ATP1A3: variants seen among roughly 807,000 people sequenced by gnomAD.
ATP1A3 encodes ATPase Na+/K+ transporting subunit alpha 3.
Under a neutral mutation model 108.8 loss-of-function variants are expected in ATP1A3, and 12 were observed. That is an observed-to-expected ratio of 0.11 (90% CI 0.07 to 0.18). ATP1A3 has a LOEUF of 0.18. Among genes scored for constraint, ATP1A3 ranks in the 10% least tolerant of loss-of-function variants. The pLI is 1.00. For missense variants in ATP1A3, 498 were observed against 1,387.7 expected (o/e 0.36, Z 10.19); for synonymous variants, 539 against 564.5 (o/e 0.95, Z 0.64).
Position 41,977,483 on chromosome 19 carries a change from C to A in ATP1A3, c.1943+453G>T, listed in dbSNP as rs1008336391. ...GGTGGACCACCTGAGGTCAGGAGTT[C>A]GAGACCAGCCTGGCCAACATAGTGA... is the stretch of plus-strand genomic sequence containing the variant. On this transcript the variant is annotated intron_variant, in intron 14 of 22. Transcript: ENST00000648268. Among the ~76,000 whole-genome samples, 7 of 148,354 alleles carry A rather than the reference C, an allele frequency of 4.7e-5. 1 individual carries two copies. Among genetic ancestry groups the A allele is most frequent in the Non-Finnish European group, 1.0e-4 (7 of 67,532 alleles).
rs2075068792 is a variant in ATP1A3, at chr19:41,968,561, A to G, written c.2819+224T>C. On this transcript the variant is annotated intron_variant, in intron 20 of 22. Coordinates refer to ENST00000648268, the MANE Select transcript of ATP1A3 (RefSeq NM_152296.5). This position sits in a 1 kb window ranked among gnomAD's most constrained non-coding sequence, Gnocchi z 5.0. ...TATGATGGTGCACACCTGTAGTCTC[A>G]GCTACTCAGGAGGCTGAGGTGGGTG... Among the ~76,000 whole-genome samples the G allele has an allele frequency of 6.6e-6, 1 of 152,168 alleles. No homozygotes were observed. Among genetic ancestry groups the G allele is most frequent in the Non-Finnish European group, 1.5e-5 (1 of 68,032 alleles).
intron 1 of ATP1A3, chr19:41,993,201 G>C: frequency 1.1e-5 from 2 of 179,916 alleles, no homozygotes; most frequent in South Asian, 5.8e-5. Flanking sequence ...CCCCGCCCCA[G>C]ACACACAGGG....
chr19:41,967,600 C>T lies in ATP1A3; in HGVS notation c.2921+62G>A. 1 of 1,563,100 alleles carries T rather than the reference C, an allele frequency of 6.4e-7. No individual in the cohort carries two copies. ...GTGGGGCCTGAGGTTCAGGCTGAGT[C>T]TAAGGGAAGGCTCCATGGCAGGCGC... is the stretch of plus-strand genomic sequence containing the variant. On this transcript the variant is annotated intron_variant, in intron 21 of 22. Coordinates refer to ENST00000648268, the MANE Select transcript of ATP1A3 (RefSeq NM_152296.5). The surrounding 1 kb of genome is among the most constrained non-coding windows in gnomAD (Gnocchi z 4.2).
At position 41,969,495 on chromosome 19, in the gene ATP1A3, G is replaced by A. The variant is rs782402098; in HGVS notation, c.2628C>T (p.Ile876=). Residue 876 remains isoleucine (I), a synonymous_variant, in exon 19 of 23, where the codon ATC becomes ATT. Coordinates refer to ENST00000648268, the MANE Select transcript of ATP1A3 (RefSeq NM_152296.5). ...NGFLPGNLVG[I]RLNWDDRTVN... is the part of the protein sequence containing the mutation. ...CGGTGCGGTCATCCCAGTTCAGCCGGATGCCCACCAGGTTGCCGGGCAAGA... is the reference window on the plus strand; with the variant it reads ...CGGTGCGGTCATCCCAGTTCAGCCGAATGCCCACCAGGTTGCCGGGCAAGA... 1.3e-5 allele frequency: 21 copies of A among 1,614,050 alleles called. No individual in the cohort carries two copies. The South Asian group carries it at 1.3e-4, about 10-fold the overall frequency.
intron 4 of ATP1A3, among the ~76,000 whole-genome samples, chr19:41,987,654 C>T (rs1555865865): frequency 6.6e-6 from 1 of 152,160 alleles, no homozygotes; most frequent in East Asian, 1.9e-4. Flanking sequence ...AAGCCATGAC[C>T]ACCTGCTGGT....
Position 41,985,047 on chromosome 19 carries a change from C to T in ATP1A3, c.864G>A (p.Val288=), listed in dbSNP as rs1555864837. 2 of 1,613,984 alleles carry T rather than the reference C, an allele frequency of 1.2e-6. No homozygotes were observed. The highest frequency in any genetic ancestry group is 1.7e-6 in the Non-Finnish European group (2 of 1,179,924). The change falls in exon 8 of 23, where the codon GTG becomes GTA. Residue 288 remains valine, a synonymous_variant. Coordinates refer to ENST00000648268, the MANE Select transcript of ATP1A3 (RefSeq NM_152296.5). The surrounding 1 kb of genome is among the most constrained non-coding windows in gnomAD (Gnocchi z 8.2). ...AGAAGGAGACACCCAGGAAGACAGC[C>T]ACGCCGGTGATGAGCTGGATGAAGT... The part of the protein sequence containing the change: ...IEHFIQLITG[V]AVFLGVSFFI...
rs2075171784 is a variant in ATP1A3 at position 41,976,451 on chromosome 19, G to A, written c.2059C>T (p.Gln687Ter). Residue 687 changes from glutamine (Q) to a stop codon, truncating the protein, a stop_gained, in exon 15 of 23, where the codon CAG becomes TAG. Transcript: ENST00000648268. LOFTEE classifies it high-confidence loss of function. ...EIVFARTSPQQKLIIVEGCQR... is the reference protein window; with the variant it reads ...EIVFARTSPQ ...CAGCCCTCCACAATGATGAGCTTCT[G>A]CTGGGGGGATGTGCGGGCGAAGACG... 1 of 1,614,110 alleles carries A rather than the reference G, an allele frequency of 6.2e-7. No homozygotes were observed. The highest frequency in any genetic ancestry group is 1.3e-5 in the African/African-American group (1 of 74,946).
chr19:41,993,994 C>T (rs759399066), intron 1 of ATP1A3, 77 bp downstream of exon 1: 911 of 1,591,128 alleles, frequency 5.7e-4, no homozygotes, highest in Non-Finnish European at 7.2e-4. Flanking sequence ...CCCGGTGCCC[C>T]CGCCCCCCGC....
intron 14 of ATP1A3, among the ~76,000 whole-genome samples, 191 bp from the exon 15 acceptor site, chr19:41,976,757 C>T (rs545633050): frequency 1.3e-5 from 2 of 151,952 alleles, no homozygotes; most frequent in African/African-American, 4.8e-5. Context: ...GCGGGCAGAC[C>T]TGAGGAAGGA....
chr19:41,993,687 A>G, intron 1 of ATP1A3: 1 of 610,106 alleles, frequency 1.6e-6, no homozygotes, highest in East Asian at 2.8e-5. Flanking sequence ...ACGAGCTCTC[A>G]CAGACACACC....
rs1286406699 is a variant in ATP1A3, at chr19:41,978,924, C to G, written c.1438-126G>C. 3.8e-6 allele frequency: 3 copies of G among 798,934 alleles called. No individual in the cohort carries two copies. Among genetic ancestry groups the G allele is most frequent in the African/African-American group, 1.7e-5 (1 of 58,352 alleles). 49.5% of individuals were successfully genotyped at this position (798,934 alleles called of 1,614,324 possible). A position where few individuals can be genotyped will look rare whatever the true frequency, so the allele number is the denominator to read the frequency against. On this transcript the variant is annotated intron_variant, in intron 11 of 22. Coordinates refer to ENST00000648268, the MANE Select transcript of ATP1A3 (RefSeq NM_152296.5). This position sits in a 1 kb window ranked among gnomAD's most constrained non-coding sequence, Gnocchi z 8.3. The stretch of plus-strand genomic sequence containing the variant: ...GCCCACACCAGGGCTCCCCCACACT[C>G]TCTCACAGAGACCTCTGCTCATTCC...
Position 41,967,427 on chromosome 19 carries a change from G to GTCTC in ATP1A3, c.2922-91_2922-88dup, listed in dbSNP as rs1471969749. 1 of 1,451,166 alleles carries GTCTC rather than the reference G, an allele frequency of 6.9e-7. No homozygotes were observed. The highest frequency in any genetic ancestry group is 1.4e-5 in the African/African-American group (1 of 71,432). The allele number at this position is 1,451,166 out of a possible 1,614,324, so 89.9% of individuals were successfully genotyped here. A position where few individuals can be genotyped will look rare whatever the true frequency, so the allele number is the denominator to read the frequency against. On this transcript the variant is annotated intron_variant, in intron 21 of 22. Transcript: ENST00000648268. The surrounding 1 kb of genome is among the most constrained non-coding windows in gnomAD (Gnocchi z 4.2). ...GGACTGGAGGGGACGCAGAGGGGCA[G>GTCTC]TCTCCCAGGATCCTTCGTGCTCACA...
chr19:41,981,474 G>C lies in ATP1A3; in HGVS notation c.1437+28C>G, dbSNP rs1464579190. 1.9e-6 allele frequency: 3 copies of C among 1,614,008 alleles called. No individual in the cohort carries two copies. Among genetic ancestry groups the C allele is most frequent in the Non-Finnish European group, 2.5e-6 (3 of 1,180,028 alleles). ...GCGTCATAAGGAACCTGAGGTCCAG[G>C]CTGGCTCTCCCGGAAAGCCCAGAGT... On this transcript the variant is annotated intron_variant, in intron 11 of 22. Coordinates refer to ENST00000648268, the MANE Select transcript of ATP1A3 (RefSeq NM_152296.5). The surrounding 1 kb of genome is among the most constrained non-coding windows in gnomAD (Gnocchi z 5.0).
Position 41,969,593 on chromosome 19 carries a change from G to C in ATP1A3, c.2543-13C>G, listed in dbSNP as rs781836448. On this transcript the variant is annotated splice_polypyrimidine_tract_variant and intron_variant, in intron 18 of 22. Transcript: ENST00000648268. ...GCCTGGATCATTCCTGGAAGGAGGA[G>C]AGAGGAAGCCGAGGAGAGGCTCAGA... is the stretch of plus-strand genomic sequence containing the variant. The C allele has an allele frequency of 1.2e-6, 2 of 1,613,420 alleles. No homozygotes were observed. The highest frequency in any genetic ancestry group is 2.2e-5 in the East Asian group (1 of 44,862).
At chr19:41,975,934 A>T in intron 15 of ATP1A3, 137 bp from the exon 16 acceptor site, 1 of 1,219,132 alleles carries the variant, frequency 8.2e-7, no homozygotes, top group Non-Finnish European at 1.2e-6. Context: ...TCTTCCCCTC[A>T]GACCTAGGAG....
rs550881791 is a variant in ATP1A3, at chr19:41,967,610, G to C, written c.2921+52C>G. On this transcript the variant is annotated intron_variant, in intron 21 of 22. Transcript: ENST00000648268. The surrounding 1 kb of genome is among the most constrained non-coding windows in gnomAD (Gnocchi z 4.2). ...AGGTTCAGGCTGAGTCTAAGGGAAG[G>C]CTCCATGGCAGGCGCTGGTGTGGGC... The C allele has an allele frequency of 1.3e-5, 20 of 1,580,548 alleles. No homozygotes were observed. In the South Asian group the frequency reaches 2.1e-4, roughly 17 times the overall value.
chr19:41,981,424 A>G lies in ATP1A3; in HGVS notation c.1437+78T>C. The G allele has an allele frequency of 6.2e-7, 1 of 1,606,828 alleles. No individual in the cohort carries two copies. The highest frequency in any genetic ancestry group is 1.1e-5 in the South Asian group (1 of 90,550). ...TTCCCATTTTACAGACGGGAAAATC[A>G]AGGCTCTATGACACCTCTTTACAGG... is the stretch of plus-strand genomic sequence containing the variant. On this transcript the variant is annotated intron_variant, in intron 11 of 22. Coordinates refer to ENST00000648268, the MANE Select transcript of ATP1A3 (RefSeq NM_152296.5). This position sits in a 1 kb window ranked among gnomAD's most constrained non-coding sequence, Gnocchi z 5.0.
intron 14 of ATP1A3, 120 bp downstream of exon 14, chr19:41,977,816 C>T: frequency 6.9e-7 from 1 of 1,455,638 alleles, no homozygotes; most frequent in Non-Finnish European, 9.2e-7. Context: ...GGGCCTGGTC[C>T]ATGGAGGAGT....
rs782354767 is a variant in ATP1A3, at chr19:41,967,615, A to G, written c.2921+47T>C. 6.3e-7 allele frequency: 1 copy of G among 1,592,228 alleles called. No individual in the cohort carries two copies. The highest frequency in any genetic ancestry group is 1.1e-5 in the South Asian group (1 of 90,008). On this transcript the variant is annotated intron_variant, in intron 21 of 22. Coordinates refer to ENST00000648268, the MANE Select transcript of ATP1A3 (RefSeq NM_152296.5). This position sits in a 1 kb window ranked among gnomAD's most constrained non-coding sequence, Gnocchi z 4.2. ...CAGGCTGAGTCTAAGGGAAGGCTCC[A>G]TGGCAGGCGCTGGTGTGGGCAGGGC...
Sources: gnomAD v4.1 joint callset for allele counts (sites outside exome capture counted in the v4.1 genomes callset) on GRCh38, gnomAD v4.1.1 for gene constraint, Gnocchi (gnomAD v3.1) non-coding constraint, MANE v1.5 for transcripts, NCBI Gene and HGNC (gene_info 2026-07-23, HGNC 2026-07-21) for gene names.